PPM1N: variants seen among roughly 807,000 people sequenced by gnomAD.
PPM1N encodes the protein probable protein phosphatase 1N.
Under a neutral mutation model 32.6 loss-of-function variants are expected in PPM1N, and 35 were observed. The ratio of observed to expected loss-of-function variants is 1.07; its 90% CI spans 0.82 to 1.43. PPM1N has a LOEUF of 1.43. Ranked by LOEUF, PPM1N falls within the 40% of genes most tolerant of loss-of-function variation. The probability of loss-of-function intolerance (pLI) is 0.00; values close to 1 mark genes in which losing one functional copy is unlikely to be tolerated. For synonymous variants in PPM1N, 275 were observed against 270.5 expected, an observed-to-expected ratio of 1.02 and a Z score of -0.16; for missense variants, 648 against 606.6, an observed-to-expected ratio of 1.07 and a Z score of -0.72.
chr19:45,501,941 C>G (rs1968419964), intron 4 of PPM1N, 76 bp from the exon 5 acceptor site: 5 of 987,224 alleles, frequency 5.1e-6, no homozygotes, highest in Middle Eastern at 3.3e-4. Flanking sequence ...TATGGTGGTC[C>G]CTCAAAGGAA....
Position 45,499,201 on chromosome 19 carries a change from G to A in PPM1N, c.729G>A (p.Gly243=). 2 of 1,558,330 alleles carry A rather than the reference G, an allele frequency of 1.3e-6. No individual in the cohort carries two copies. Among genetic ancestry groups the A allele is most frequent in the Non-Finnish European group, 1.7e-6 (2 of 1,158,824 alleles). ...LGDFTYKEAP[G]RPPELQLVSA... Reference sequence around the variant, plus strand: ...ACTTTACCTACAAGGAGGCTCCGGGGAGGCCCCCCGAGCTACAGCTCGTTT... The same window carrying A: ...ACTTTACCTACAAGGAGGCTCCGGGAAGGCCCCCCGAGCTACAGCTCGTTT... The change falls in exon 1 of 5, where the codon GGG becomes GGA. Residue 243 remains glycine, a synonymous_variant. Transcript: ENST00000451287.
chr19:45,500,897 T>G (rs1037496598), intron 4 of PPM1N, among the ~76,000 whole-genome samples, 187 bp downstream of exon 4: 8 of 151,878 alleles, frequency 5.3e-5, no homozygotes, highest in African/African-American at 1.9e-4. Flanking sequence ...CTCTCTTTTT[T>G]TTTAGACTGG....
Position 45,498,904 on chromosome 19 carries a change from C to T in PPM1N, c.432C>T (p.Phe144=), listed in dbSNP as rs755832092. ...EGVREALRRA[F]LSADERLRSL... ...TGCGCGAGGCGCTGCGCCGAGCCTT[C>T]TTGAGCGCCGACGAGCGCCTGCGCT... Residue 144 remains phenylalanine (F), a synonymous_variant, in exon 1 of 5, where the codon TTC becomes TTT. Transcript: ENST00000451287. The T allele has an allele frequency of 6.6e-7, 1 of 1,526,150 alleles. No individual in the cohort carries two copies. Among genetic ancestry groups the T allele is most frequent in the Non-Finnish European group, 8.7e-7 (1 of 1,146,204 alleles). 94.5% of individuals were successfully genotyped at this position (1,526,150 alleles called of 1,614,324 possible).
rs753582259 is a variant in PPM1N, at chr19:45,499,100, C to G, written c.628C>G (p.Arg210Gly). The stretch of plus-strand genomic sequence containing the variant: ...GCCCCTTCGACCCCGGGAACGCGAG[C>G]GCATCCACGCCGCTGGCGGCACCAT... The part of the protein sequence containing the change: ...HRPLRPRERE[R>G]IHAAGGTIRR... Residue 210 changes from arginine to glycine, a missense_variant, in exon 1 of 5, where the codon CGC (arginine) becomes GGC (glycine). Physicochemically the swap from Arg to Gly is moderately radical, Grantham distance 125. Transcript: ENST00000451287. 2 of 1,514,622 alleles carry G rather than the reference C, an allele frequency of 1.3e-6. No homozygotes were observed. Among genetic ancestry groups the G allele is most frequent in the Non-Finnish European group, 8.8e-7 (1 of 1,141,582 alleles). The allele number at this position is 1,514,622 out of a possible 1,614,324, so 93.8% of individuals were successfully genotyped here.
intron 1 of PPM1N, 197 bp downstream of exon 1, chr19:45,499,608 A>T: frequency 1.9e-6 from 3 of 1,549,428 alleles, no homozygotes; most frequent in East Asian, 2.4e-5. Context: ...GCTTTGAGGC[A>T]CGGGAGAGTT....
In PPM1N at chr19:45,498,834, A is replaced by G. The variant is rs969255009; in HGVS notation, c.362A>G (p.His121Arg). The change falls in exon 1 of 5, where the codon CAT (histidine) becomes CGT (arginine). Residue 121 changes from histidine to arginine, a missense_variant. His to Arg is a conservative substitution (Grantham distance 29). Coordinates refer to ENST00000451287, the MANE Select transcript of PPM1N (RefSeq NM_001080401.2). ...ARFGARHLPG[H>R]VLQELGPEPS... is the part of the protein sequence containing the mutation. ...TTCGGTGCACGCCATTTGCCAGGCC[A>G]TGTGCTCCAGGAGCTGGGCCCGGAG... 1.3e-6 allele frequency: 2 copies of G among 1,541,096 alleles called. No homozygotes were observed. Among genetic ancestry groups the G allele is most frequent in the South Asian group, 1.2e-5 (1 of 82,962 alleles).
intron 4 of PPM1N, 107 bp from the exon 5 acceptor site, chr19:45,501,910 T>C (rs1368351046): frequency 8.1e-6 from 6 of 741,080 alleles, no homozygotes; most frequent in Non-Finnish European, 1.2e-5. Flanking sequence ...CATTCAAACC[T>C]TAATGGATTG....
At position 45,499,263 on chromosome 19, in the gene PPM1N, C is replaced by T; in HGVS notation, c.791C>T (p.Ala264Val). 1 of 1,610,462 alleles carries T rather than the reference C, an allele frequency of 6.2e-7. No individual in the cohort carries two copies. Among genetic ancestry groups the T allele is most frequent in the Non-Finnish European group, 8.5e-7 (1 of 1,179,026 alleles). The change falls in exon 1 of 5, where the codon GCT becomes GTT. Residue 264 changes from alanine to valine, a missense_variant. Ala to Val is a moderately conservative substitution (Grantham distance 64, BLOSUM62 0). Coordinates refer to ENST00000451287, the MANE Select transcript of PPM1N (RefSeq NM_001080401.2). ...EPEVAALARQ[A>V]EDEFMLLASD... ...GAGGTGGCCGCACTGGCACGCCAGGCTGAGGACGAGTTCATGCTCCTGGCC... is the reference window on the plus strand; with the variant it reads ...GAGGTGGCCGCACTGGCACGCCAGGTTGAGGACGAGTTCATGCTCCTGGCC...
intron 1 of PPM1N, chr19:45,499,619 A>G: frequency 6.5e-7 from 1 of 1,549,160 alleles, no homozygotes; most frequent in Non-Finnish European, 8.7e-7. Context: ...CGGGAGAGTT[A>G]GTGGAAGGGA....
intron 4 of PPM1N, among the ~76,000 whole-genome samples, chr19:45,501,245 C>T (rs1968410227): frequency 6.6e-6 from 1 of 152,190 alleles, no homozygotes; most frequent in African/African-American, 2.4e-5. Context: ...CAGCAGATAC[C>T]ATCAGGACAT....
At chr19:45,499,903 C>T (rs919539836) in intron 1 of PPM1N, 46 bp from the exon 2 acceptor site, 6 of 1,548,320 alleles carry the variant, frequency 3.9e-6, no homozygotes, top group Non-Finnish European at 4.4e-6. Flanking sequence ...GGAAGCTCTG[C>T]CTTGGACTCT....
chr19:45,498,700 C>G lies in PPM1N; in HGVS notation c.228C>G (p.Arg76=). 6.7e-7 allele frequency: 1 copy of G among 1,494,866 alleles called. No homozygotes were observed. Among genetic ancestry groups the G allele is most frequent in the Non-Finnish European group, 8.9e-7 (1 of 1,124,782 alleles). The allele number at this position is 1,494,866 out of a possible 1,614,324, so 92.6% of individuals were successfully genotyped here. The change falls in exon 1 of 5, where the codon CGC becomes CGG. Residue 76 remains arginine, a synonymous_variant. Coordinates refer to ENST00000451287, the MANE Select transcript of PPM1N (RefSeq NM_001080401.2). Reference sequence around the variant, plus strand: ...GGGCGAGCGCAGCGCAAGGCTGGCGCGCGCGCATGGAGGATGCTCACTGCA... The same window carrying G: ...GGGCGAGCGCAGCGCAAGGCTGGCGGGCGCGCATGGAGGATGCTCACTGCA... ...RFGASAAQGW[R]ARMEDAHCTW... is the part of the protein sequence containing the mutation.
rs1346159929 is a variant in PPM1N, at chr19:45,498,552, A to G, written c.80A>G (p.Glu27Gly). 2 of 1,455,436 alleles carry G rather than the reference A, an allele frequency of 1.4e-6. No homozygotes were observed. Among genetic ancestry groups the G allele is most frequent in the South Asian group, 1.4e-5 (1 of 71,738 alleles). 90.2% of individuals were successfully genotyped at this position (1,455,436 alleles called of 1,614,324 possible). A position where few individuals can be genotyped will look rare whatever the true frequency, so the allele number is the denominator to read the frequency against. The stretch of plus-strand genomic sequence containing the variant: ...AAGGAGAGGGAGAAGGAGGGGAGGG[A>G]GGAAGAGGAGGAGGAGGAGGCGGGG... ...KKKEREKEGR[E>G]EEEEEEAGRR... The change falls in exon 1 of 5, where the codon GAG becomes GGG. Residue 27 changes from glutamate to glycine, a missense_variant. Glu to Gly is a moderately conservative substitution (Grantham distance 98, BLOSUM62 -2). Transcript: ENST00000451287.
rs985863389 is a variant in PPM1N at position 45,499,855 on chromosome 19, G to A, written c.940-94G>A. 57 of 1,519,494 alleles carry A rather than the reference G, an allele frequency of 3.8e-5. No individual in the cohort carries two copies. In the Admixed American group the frequency reaches 1.2e-3, roughly 32 times the overall value. The allele number at this position is 1,519,494 out of a possible 1,614,324, so 94.1% of individuals were successfully genotyped here. A position where few individuals can be genotyped will look rare whatever the true frequency, so the allele number is the denominator to read the frequency against. ...TGGGACGCGAAAGAAATGGGCATAA[G>A]TAGAATGAAGTGGGGGACTTGAACC... On this transcript the variant is annotated intron_variant, in intron 1 of 4. Coordinates refer to ENST00000451287, the MANE Select transcript of PPM1N (RefSeq NM_001080401.2).
At position 45,502,198 on chromosome 19, in the gene PPM1N, T is replaced by C; in HGVS notation, c.*113T>C. The C allele has an allele frequency of 1.3e-6, 1 of 796,626 alleles. No individual in the cohort carries two copies. 49.3% of individuals were successfully genotyped at this position (796,626 alleles called of 1,614,324 possible). A position where few individuals can be genotyped will look rare whatever the true frequency, so the allele number is the denominator to read the frequency against. ...CCAGCGGAAGGAAGGAAGGCCAATG[T>C]AGGAACCCAAAATGCTTATTTCTTC... is the stretch of plus-strand genomic sequence containing the variant. On this transcript the variant is annotated 3_prime_UTR_variant, in exon 5 of 5. Coordinates refer to ENST00000451287, the MANE Select transcript of PPM1N (RefSeq NM_001080401.2).
At chr19:45,499,782 G>A in intron 1 of PPM1N, 167 bp from the exon 2 acceptor site, 1 of 1,502,488 alleles carries the variant, frequency 6.7e-7, no homozygotes, top group Non-Finnish European at 8.9e-7. Context: ...TCAATTGGGA[G>A]CGCCTAGGAC....
At position 45,499,303 on chromosome 19, in the gene PPM1N, G is replaced by C. The variant is rs1227796579; in HGVS notation, c.831G>C (p.Trp277Cys). Residue 277 changes from tryptophan to cysteine, a missense_variant, in exon 1 of 5, where the codon TGG (tryptophan) becomes TGC (cysteine). Transcript: ENST00000451287. ...EFMLLASDGVWDTVSGAALAG... is the reference protein window; with the variant it reads ...EFMLLASDGVCDTVSGAALAG... ...TGCTCCTGGCCTCTGATGGCGTCTG[G>C]GACACTGTGTCTGGTGCTGCCCTGG... 1.9e-6 allele frequency: 3 copies of C among 1,613,044 alleles called. No homozygotes were observed. Among genetic ancestry groups the C allele is most frequent in the Non-Finnish European group, 2.5e-6 (3 of 1,179,860 alleles).
intron 1 of PPM1N, 146 bp from the exon 2 acceptor site, chr19:45,499,803 C>T (rs1031617706): frequency 1.0e-5 from 15 of 1,495,936 alleles, no homozygotes; most frequent in Non-Finnish European, 1.3e-5. Context: ...CGGGTTTGGT[C>T]CCAGTAAGAG....
At position 45,499,095 on chromosome 19, in the gene PPM1N, G is replaced by T. The variant is rs947001120; in HGVS notation, c.623G>T (p.Arg208Leu). ...EDHRPLRPRE[R>L]ERIHAAGGTI... Reference sequence around the variant, plus strand: ...CACCGGCCCCTTCGACCCCGGGAACGCGAGCGCATCCACGCCGCTGGCGGC... The same window carrying T: ...CACCGGCCCCTTCGACCCCGGGAACTCGAGCGCATCCACGCCGCTGGCGGC... The change falls in exon 1 of 5, where the codon CGC becomes CTC. Residue 208 changes from arginine to leucine, a missense_variant. Arg to Leu is a moderately radical substitution (Grantham distance 102). Transcript: ENST00000451287. The T allele has an allele frequency of 1.3e-6, 2 of 1,514,730 alleles. No individual in the cohort carries two copies. The highest frequency in any genetic ancestry group is 4.4e-5 in the Admixed American group (2 of 45,272). 93.8% of individuals were successfully genotyped at this position (1,514,730 alleles called of 1,614,324 possible). A position where few individuals can be genotyped will look rare whatever the true frequency, so the allele number is the denominator to read the frequency against.
Sources: allele counts gnomAD v4.1 joint callset (sites outside exome capture counted in the v4.1 genomes callset), GRCh38; gene constraint gnomAD v4.1.1; transcripts MANE v1.5; gene names NCBI Gene and HGNC (gene_info 2026-07-23, HGNC 2026-07-21).